ANO3: variants seen among roughly 807,000 people sequenced by gnomAD.
The protein encoded by ANO3 is anoctamin-3.
ANO3 carries 99 observed loss-of-function variants against 144.8 expected under a neutral mutation model. That is an observed-to-expected ratio of 0.68 (90% confidence interval 0.58 to 0.81). The LOEUF is 0.81. Among genes scored for constraint, ANO3 ranks in the 30% least tolerant of loss-of-function variants. The pLI is 0.00. For missense variants in ANO3, 905 were observed against 1,202.2 expected, an observed-to-expected ratio of 0.75 and a Z score of 3.66; for synonymous variants, 414 against 392.6, an observed-to-expected ratio of 1.05 and a Z score of -0.64.
At chr11:26,634,158 A>C in intron 18 of ANO3, 46 bp from the exon 19 acceptor site, 2 of 1,171,152 alleles carry the variant, frequency 1.7e-6, no homozygotes, top group Non-Finnish European at 2.5e-6. Context: ...GAGTCTTGAT[A>C]TTCACCTCAC....
rs549322425 is a variant in ANO3, at chr11:26,363,160, A to G, written c.46+30839A>G. On this transcript the variant is annotated intron_variant, in intron 1 of 26. Coordinates refer to ENST00000256737, the MANE Select transcript of ANO3 (RefSeq NM_031418.4). ...CTTTTTTCATCCTTCATCAAAGGTC[A>G]GGAAAATATGACCCATAGAGATTAA... 3.9e-5 allele frequency among the ~76,000 whole-genome samples: 6 copies of G among 152,274 alleles called. No homozygotes were observed. The South Asian group carries it at 1.2e-3, about 32-fold the overall frequency.
intron 4 of ANO3, among the ~76,000 whole-genome samples, chr11:26,491,103 T>C (rs1183926860): frequency 6.6e-6 from 1 of 152,228 alleles, no homozygotes; most frequent in African/African-American, 2.4e-5. Context: ...TTGTGTTTTA[T>C]TGCTGTCTTC....
intron 1 of ANO3, among the ~76,000 whole-genome samples, chr11:26,377,981 A>G (rs968283977): frequency 2.0e-5 from 3 of 152,110 alleles, no homozygotes; most frequent in Non-Finnish European, 4.4e-5. Flanking sequence ...TGAGTTTTTT[A>G]ATATGTACCA....
At chr11:26,325,591 C>A (rs888306152) in intron 1 of ANO3, among the ~76,000 whole-genome samples, 2 of 152,098 alleles carry the variant, frequency 1.3e-5, no homozygotes, top group Non-Finnish European at 2.9e-5. Context: ...TTAAATACTT[C>A]AAAAATCTTT....
At chr11:26,354,128 T>C (rs1037633300) in intron 1 of ANO3, among the ~76,000 whole-genome samples, 2 of 152,230 alleles carry the variant, frequency 1.3e-5, no homozygotes, top group African/African-American at 4.8e-5. Context: ...TAGAGGCTTA[T>C]GCAGATTGGT....
chr11:26,373,163 G>T (rs1186023582), intron 1 of ANO3, among the ~76,000 whole-genome samples: 1 of 151,956 alleles, frequency 6.6e-6, no homozygotes, highest in Non-Finnish European at 1.5e-5. Context: ...CTTTATTATT[G>T]GTGGTTATAG....
intron 17 of ANO3, among the ~76,000 whole-genome samples, chr11:26,619,172 A>G (rs1349620947): frequency 6.6e-6 from 1 of 152,194 alleles, no homozygotes; most frequent in Non-Finnish European, 1.5e-5. Flanking sequence ...TGTGCTCAAA[A>G]TTATTTTTTG....
rs774479934 is a variant in ANO3, at chr11:26,262,192, T to A, written c.155-47453T>A. 4.7e-4 allele frequency among the ~76,000 whole-genome samples: 72 copies of A among 152,228 alleles called. 1 individual carries two copies. The highest frequency in any genetic ancestry group is 5.9e-4 in the Admixed American group (9 of 15,278). The stretch of plus-strand genomic sequence containing the variant: ...ATCTAAAACTACAAGAATATTTTTC[T>A]GTATTAATTTCAAGCTTATACTTCT... On this transcript the variant is annotated intron_variant, in intron 1 of 27. Coordinates refer to the ANO3 transcript ENST00000672621.
chr11:26,481,536 C>G (rs1860217463), intron 4 of ANO3, among the ~76,000 whole-genome samples: 1 of 152,026 alleles, frequency 6.6e-6, no homozygotes, highest in Non-Finnish European at 1.5e-5. Flanking sequence ...AACAAAAAGA[C>G]CTAAAATGTT....
chr11:26,579,405 A>G (rs1454502838), intron 14 of ANO3, among the ~76,000 whole-genome samples: 1 of 152,220 alleles, frequency 6.6e-6, no homozygotes, highest in Non-Finnish European at 1.5e-5. Flanking sequence ...GCTCAAAAGT[A>G]GGGACAGAAG....
intron 1 of ANO3, among the ~76,000 whole-genome samples, chr11:26,369,465 A>G (rs1380617947): frequency 6.6e-6 from 1 of 151,910 alleles, no homozygotes; most frequent in African/African-American, 2.4e-5. Context: ...ATTTGTTTCA[A>G]TATGAGAGAT....
At chr11:26,439,327 A>G (rs1369921045) in intron 1 of ANO3, among the ~76,000 whole-genome samples, 1 of 152,242 alleles carries the variant, frequency 6.6e-6, no homozygotes, top group East Asian at 1.9e-4. Context: ...GATAAATTGA[A>G]CTTTATCAAA....
At chr11:26,641,874 C>T in intron 21 of ANO3, 22 bp from the exon 22 acceptor site, 2 of 1,610,604 alleles carry the variant, frequency 1.2e-6, no homozygotes, top group South Asian at 1.1e-5. Context: ...CTCAAAAGTC[C>T]TTGGTCTGCT....
intron 1 of ANO3, among the ~76,000 whole-genome samples, chr11:26,302,709 A>C (rs1854264876): frequency 6.6e-6 from 1 of 152,226 alleles, no homozygotes; most frequent in Non-Finnish European, 1.5e-5. Context: ...CTTATATCTT[A>C]TTATTTGAAA....
chr11:26,450,815 T>C (rs1177341263), intron 3 of ANO3, among the ~76,000 whole-genome samples: 1 of 152,204 alleles, frequency 6.6e-6, no homozygotes, highest in Non-Finnish European at 1.5e-5. Context: ...TTTCAAATGC[T>C]GAAACAATGC....
chr11:26,502,542 G>T (rs1166251678), intron 4 of ANO3, among the ~76,000 whole-genome samples: 2 of 152,030 alleles, frequency 1.3e-5, no homozygotes, highest in Non-Finnish European at 1.5e-5. Context: ...TTAATGACAT[G>T]ATCTAATTTT....
At chr11:26,421,135 A>G (rs1314602277) in intron 1 of ANO3, among the ~76,000 whole-genome samples, 1 of 151,994 alleles carries the variant, frequency 6.6e-6, no homozygotes, top group South Asian at 2.1e-4. Flanking sequence ...TTTTTTCCCT[A>G]TGATCAGGAG....
chr11:26,542,118 A>G (rs1366406340), intron 11 of ANO3, 50 bp downstream of exon 11: 1 of 1,575,310 alleles, frequency 6.3e-7, no homozygotes, highest in Middle Eastern at 2.1e-4. Context: ...GTTTTGTGTC[A>G]TTGTCTTAGA....
In ANO3 at chr11:26,421,617, T is replaced by C. The variant is rs1857754797; in HGVS notation, c.47-20301T>C. 2.0e-5 allele frequency among the ~76,000 whole-genome samples: 3 copies of C among 152,180 alleles called. No individual in the cohort carries two copies. In the East Asian group the frequency reaches 5.8e-4, roughly 29 times the overall value. ...AATATCAAGGTATCTTGCTATATTC[T>C]AAAGTTATTCTAACAGTTTACTTGG... On this transcript the variant is annotated intron_variant, in intron 1 of 26. Coordinates refer to ENST00000256737, the MANE Select transcript of ANO3 (RefSeq NM_031418.4).
Sources: gnomAD v4.1 joint callset for allele counts (sites outside exome capture counted in the v4.1 genomes callset) on GRCh38, gnomAD v4.1.1 for gene constraint, MANE v1.5 for transcripts, NCBI Gene and HGNC (gene_info 2026-07-23, HGNC 2026-07-21) for gene names.